ABCC6: variants seen among roughly 807,000 people sequenced by gnomAD.
ABCC6 encodes ATP-binding cassette sub-family C member 6.
ABCC6 carries 126 observed loss-of-function variants against 169.5 expected under a neutral mutation model. The ratio of observed to expected loss-of-function variants is 0.74; its 90% CI spans 0.64 to 0.86. ABCC6 has a LOEUF of 0.86. ABCC6 is among the 40% of genes least tolerant of loss of function. The probability of loss-of-function intolerance (pLI) is 0.00; values close to 1 mark genes in which losing one functional copy is unlikely to be tolerated. For synonymous variants in ABCC6, 752 were observed against 814.7 expected, an observed-to-expected ratio of 0.92 and a Z score of 1.31; for missense variants, 1,733 against 1,927.2, an observed-to-expected ratio of 0.90 and a Z score of 1.89.
At position 16,177,583 on chromosome 16, in the gene ABCC6, G is replaced by A. The variant is rs2152250140; in HGVS notation, c.2459C>T (p.Ala820Val). ...VTHALHILPQADWIIVLANGA... is the reference protein window; with the variant it reads ...VTHALHILPQVDWIIVLANGA... The stretch of plus-strand genomic sequence containing the variant: ...ATTTGCCAGCACTATGATCCAATCA[G>A]CCTGGGGCAGGATGTGGAGTGCGTG... The change falls in exon 19 of 31, where the codon GCT (alanine) becomes GTT (valine). Residue 820 changes from alanine (A) to valine (V), a missense_variant. Transcript: ENST00000205557. The A allele has an allele frequency of 1.2e-6, 2 of 1,614,238 alleles. No individual in the cohort carries two copies. Among genetic ancestry groups the A allele is most frequent in the Middle Eastern group, 1.6e-4 (1 of 6,062 alleles).
intron 2 of ABCC6, chr16:16,221,294 A>C (rs2049061995): frequency 7.6e-7 from 1 of 1,320,664 alleles, no homozygotes; most frequent in African/African-American, 1.5e-5. Flanking sequence ...ATAAATGCAT[A>C]ACTTTTTAAA....
intron 5 of ABCC6, 57 bp downstream of exon 5, chr16:16,214,266 TG>T: frequency 6.5e-7 from 1 of 1,545,136 alleles, no homozygotes; most frequent in Non-Finnish European, 8.8e-7. Context: ...TTTGGTCACC[TG>T]GGGGAGACTG....
intron 4 of ABCC6, among the ~76,000 whole-genome samples, chr16:16,217,928 A>G (rs1252528739): frequency 2.0e-5 from 3 of 152,158 alleles, no homozygotes; most frequent in Non-Finnish European, 2.9e-5. Context: ...TGTCTCTACT[A>G]AAAATACAAA....
At chr16:16,154,274 A>T (rs533370230) in intron 29 of ABCC6, among the ~76,000 whole-genome samples, 2 of 152,232 alleles carry the variant, frequency 1.3e-5, no homozygotes, top group South Asian at 4.1e-4. Context: ...AAAAAAAAAA[A>T]TCCTATATTA....
At chr16:16,218,129 C>G (rs1567547653) in intron 4 of ABCC6, among the ~76,000 whole-genome samples, 1 of 150,630 alleles carries the variant, frequency 6.6e-6, no homozygotes, top group African/African-American at 2.4e-5. Context: ...TCCTTAAGGA[C>G]AGGGTGATGC....
chr16:16,166,953 A>G (rs1184898725), intron 22 of ABCC6, among the ~76,000 whole-genome samples: 1 of 152,200 alleles, frequency 6.6e-6, no homozygotes, highest in East Asian at 1.9e-4. Flanking sequence ...AAGAGTTAAC[A>G]CTGCTGACAC....
At chr16:16,157,878 T>G in intron 26 of ABCC6, 69 bp from the exon 27 acceptor site, 9 of 1,525,674 alleles carry the variant, frequency 5.9e-6, no homozygotes, top group Non-Finnish European at 7.1e-6. Flanking sequence ...GGCCCACCTC[T>G]ATCAGCTTCA....
rs762731402 is a variant in ABCC6, at chr16:16,165,936, GGGGA to G, written c.2996-7_2996-4del. ...CATGGAGGCAAACAGCCCAATGGCT[GGGGA>G]GGGAGAGGAGGTAAGAGCATGAGGG... is the stretch of plus-strand genomic sequence containing the variant. On this transcript the variant is annotated splice_region_variant and splice_polypyrimidine_tract_variant and intron_variant, in intron 22 of 30. Coordinates refer to ENST00000205557, the MANE Select transcript of ABCC6 (RefSeq NM_001171.6). 9.3e-6 allele frequency: 15 copies of G among 1,612,654 alleles called. No individual in the cohort carries two copies. Among genetic ancestry groups the G allele is most frequent in the Non-Finnish European group, 1.3e-5 (15 of 1,179,858 alleles).
intron 29 of ABCC6, among the ~76,000 whole-genome samples, chr16:16,153,917 A>AAAG (rs201162276): frequency 0.011 from 1,650 of 150,854 alleles, 13 homozygotes; most frequent in South Asian, 0.037. Flanking sequence ...AGAAAAAGAA[A>AAAG]AAAAAAAAAA....
intron 23 of ABCC6, among the ~76,000 whole-genome samples, chr16:16,164,301 T>C (rs950195641): frequency 6.6e-6 from 1 of 152,012 alleles, no homozygotes; most frequent in Admixed American, 6.6e-5. Flanking sequence ...CAAAGTGCTG[T>C]GATTAGATGT....
chr16:16,166,841 T>C (rs2046890915), intron 22 of ABCC6, among the ~76,000 whole-genome samples: 1 of 152,070 alleles, frequency 6.6e-6, no homozygotes, highest in African/African-American at 2.4e-5. Flanking sequence ...CAGTGAGCCA[T>C]AAGCCGAGAT....
chr16:16,212,794 C>T (rs1219392506), intron 5 of ABCC6, among the ~76,000 whole-genome samples: 2 of 151,988 alleles, frequency 1.3e-5, no homozygotes, highest in East Asian at 3.9e-4. Context: ...TATACTGAAA[C>T]CAAAACCTTG....
chr16:16,188,876 G>A lies in ABCC6; in HGVS notation c.1734C>T (p.Asn578=). 6.2e-7 allele frequency: 1 copy of A among 1,614,168 alleles called. No homozygotes were observed. Among genetic ancestry groups the A allele is most frequent in the Non-Finnish European group, 8.5e-7 (1 of 1,180,030 alleles). ...AGAAGGGCAGGAAAGCCTGGGCCTTGTTGAGGATGTTGAGAACTGTGAGAG... is the reference window on the plus strand; with the variant it reads ...AGAAGGGCAGGAAAGCCTGGGCCTTATTGAGGATGTTGAGAACTGTGAGAG... The part of the protein sequence containing the change: ...FVTLTVLNIL[N]KAQAFLPFSI... Residue 578 remains asparagine, a synonymous_variant, in exon 13 of 31, where the codon AAC becomes AAT. Coordinates refer to ENST00000205557, the MANE Select transcript of ABCC6 (RefSeq NM_001171.6).
intron 16 of ABCC6, 61 bp from the exon 17 acceptor site, chr16:16,182,649 G>C: frequency 6.3e-7 from 1 of 1,597,620 alleles, no homozygotes; most frequent in Non-Finnish European, 8.6e-7. Flanking sequence ...GATAGGTTTT[G>C]AGGAGCAGTG....
intron 25 of ABCC6, among the ~76,000 whole-genome samples, chr16:16,160,031 C>T (rs1435664663): frequency 6.6e-6 from 1 of 152,180 alleles, no homozygotes; most frequent in African/African-American, 2.4e-5. Flanking sequence ...CCTGCCATCC[C>T]ATCCCCAACC....
intron 26 of ABCC6, 78 bp from the exon 27 acceptor site, chr16:16,157,887 C>T: frequency 6.7e-7 from 1 of 1,496,372 alleles, no homozygotes; most frequent in East Asian, 2.3e-5. Context: ...CTATCAGCTT[C>T]AGTTTTCTCT....
In ABCC6 at chr16:16,150,007, C is replaced by A. The variant is rs781078594; in HGVS notation, c.*126G>T. 3 of 1,430,568 alleles carry A rather than the reference C, an allele frequency of 2.1e-6. No individual in the cohort carries two copies. Among genetic ancestry groups the A allele is most frequent in the Admixed American group, 3.9e-5 (2 of 50,872 alleles). 88.6% of individuals were successfully genotyped at this position (1,430,568 alleles called of 1,614,324 possible). On this transcript the variant is annotated 3_prime_UTR_variant, in exon 31 of 31. Coordinates refer to ENST00000205557, the MANE Select transcript of ABCC6 (RefSeq NM_001171.6). ...GGCCACTTTCTCTGCCATTTTCCTC[C>A]CAGAGAGCAAACACAGGTCTAGACT...
In ABCC6 at chr16:16,161,467, C is replaced by T. The variant is rs752683023; in HGVS notation, c.3604G>A (p.Val1202Met). ...LSKAHLSAGL[V>M]GFSVSAALQV... ...AGGGCAGCAGAGACAGAGAAGCCCA[C>T]GAGGCCAGCACTGAGGTGGGCTTTG... is the stretch of plus-strand genomic sequence containing the variant. The change falls in exon 25 of 31, where the codon GTG (valine) becomes ATG (methionine). Residue 1202 changes from valine (V) to methionine (M), a missense_variant. This residue lies in a region of ABCC6 where 1,601 missense variants were observed against 1,635.5 expected (regional missense o/e 0.98). Transcript: ENST00000205557. 32 of 1,613,928 alleles carry T rather than the reference C, an allele frequency of 2.0e-5. No individual in the cohort carries two copies. The highest frequency in any genetic ancestry group is 1.6e-4 in the Middle Eastern group (1 of 6,062).
chr16:16,156,932 G>T lies in ABCC6; in HGVS notation c.3882+731C>A, dbSNP rs191154581. Reference sequence around the variant, plus strand: ...CACTCCAGCCTGGGCAACAGAGTGAGACTCTGTCTCAAAAAAAAAAAAAAA... The same window carrying T: ...CACTCCAGCCTGGGCAACAGAGTGATACTCTGTCTCAAAAAAAAAAAAAAA... On this transcript the variant is annotated intron_variant, in intron 27 of 30. Coordinates refer to ENST00000205557, the MANE Select transcript of ABCC6 (RefSeq NM_001171.6). Among the ~76,000 whole-genome samples the T allele has an allele frequency of 7.3e-5, 8 of 109,652 alleles. No homozygotes were observed. The Admixed American group carries it at 9.5e-4, about 13-fold the overall frequency. 71.9% of individuals were successfully genotyped at this position (109,652 alleles called of 152,430 possible). A position where few individuals can be genotyped will look rare whatever the true frequency, so the allele number is the denominator to read the frequency against.
Sources: gnomAD v4.1 joint callset for allele counts (sites outside exome capture counted in the v4.1 genomes callset) on GRCh38, gnomAD v4.1.1 for gene constraint, gnomAD v4.1.1 regional missense constraint, MANE v1.5 for transcripts, NCBI Gene and HGNC (gene_info 2026-07-23, HGNC 2026-07-21) for gene names.